Variants in RANBP2 observed in about 807,000 individuals in gnomAD.
RANBP2 encodes the protein RAN binding protein 2, also known as E3 SUMO-protein ligase RanBP2.
RANBP2 carries 57 observed loss-of-function variants against 303.6 expected under a neutral mutation model. That is an observed-to-expected ratio of 0.19 (90% confidence interval 0.15 to 0.23). RANBP2 has a LOEUF of 0.23. Among genes scored for constraint, RANBP2 ranks in the 10% least tolerant of loss-of-function variants. The pLI, the probability that RANBP2 is intolerant of heterozygous loss-of-function variation, is 1.00. For missense variants in RANBP2, 3,138 were observed against 3,780.8 expected (o/e 0.83, Z 4.46); for synonymous variants, 1,167 against 1,301.5 (o/e 0.90, Z 2.23).
At chr2:109,124,700 T>C in the RANBP2 span, 1 of 152,234 alleles carries the variant, frequency 6.6e-6, no homozygotes, top group African/African-American at 2.4e-5. Context: ...TGGCATTAAG[T>C]GGATTTGCTT....
the RANBP2 span, among the ~76,000 whole-genome samples, chr2:108,962,775 C>T: frequency 6.6e-6 from 1 of 151,756 alleles, no homozygotes; most frequent in African/African-American, 2.4e-5. Context: ...ATCGCACACA[C>T]ACCCTTTTCA....
chr2:108,782,002 T>TA (rs1678288001), intron 26 of RANBP2, 126 bp from the exon 27 acceptor site: 2 of 1,059,174 alleles, frequency 1.9e-6, no homozygotes, highest in Non-Finnish European at 2.7e-6. Flanking sequence ...ATATAACCAG[T>TA]TATCACATTA....
the RANBP2 span, chr2:109,567,749 A>G: frequency 7.0e-7 from 1 of 1,436,564 alleles, no homozygotes; most frequent in Non-Finnish European, 9.3e-7. Context: ...TAGCAGCAAT[A>G]TTACTCACAA....
chr2:108,782,837 G>T lies in RANBP2; in HGVS notation c.9344G>T (p.Arg3115Ile), dbSNP rs1240073123. ...GFGFKNSIFHRVIPDFVCQGG... is the reference protein window; with the variant it reads ...GFGFKNSIFHIVIPDFVCQGG... ...GGTTTCAAGAATTCCATTTTTCACA[G>T]AGTAATTCCAGATTTTGTTTGCCAA... The change falls in exon 28 of 29, where the codon AGA becomes ATA. Residue 3115 changes from arginine (R) to isoleucine (I), a missense_variant. Physicochemically the swap from Arg to Ile is moderately conservative, Grantham distance 97. Transcript: ENST00000283195. The T allele has an allele frequency of 3.1e-6, 5 of 1,613,836 alleles. No individual in the cohort carries two copies. The highest frequency in any genetic ancestry group is 4.2e-6 in the Non-Finnish European group (5 of 1,180,002).
the RANBP2 span, among the ~76,000 whole-genome samples, chr2:108,948,991 T>C: frequency 2.0e-5 from 3 of 152,034 alleles, no homozygotes; most frequent in African/African-American, 7.2e-5. Flanking sequence ...CACATACATG[T>C]TTTTAGGCAG....
chr2:109,200,176 T>G, the RANBP2 span, among the ~76,000 whole-genome samples: 1 of 152,096 alleles, frequency 6.6e-6, no homozygotes, highest in African/African-American at 2.4e-5. Context: ...TATTTCTAGT[T>G]TACAAGAGAA....
chr2:109,556,647 T>C, the RANBP2 span, among the ~76,000 whole-genome samples: 1 of 152,168 alleles, frequency 6.6e-6, no homozygotes, highest in Non-Finnish European at 1.5e-5. Flanking sequence ...CCTTTTTTTT[T>C]CTGTTGTGAT....
the RANBP2 span, among the ~76,000 whole-genome samples, chr2:109,463,026 G>C: frequency 6.6e-6 from 1 of 152,190 alleles, no homozygotes; most frequent in Admixed American, 6.5e-5. Flanking sequence ...AACAGTGTAA[G>C]ATTTTGGTAT....
chr2:108,763,646 A>C lies in RANBP2; in HGVS notation c.3107A>C (p.Asn1036Thr). Residue 1036 changes from asparagine to threonine, a missense_variant, in exon 20 of 29, where the codon AAT becomes ACT. Asn to Thr is a moderately conservative substitution (Grantham distance 65, BLOSUM62 0). Around this residue, in one of 20 missense-constraint regions of RANBP2, gnomAD observed 403 missense variants for 376.7 expected, o/e 1.07. Transcript: ENST00000283195. The stretch of plus-strand genomic sequence containing the variant: ...CCAACTCCTTTTAAATTTAACTCAA[A>C]TTTCAAATCAAATGATGGTGACTTC... Reference protein sequence around the residue: ...TQPTPFKFNSNFKSNDGDFTF... With the variant: ...TQPTPFKFNSTFKSNDGDFTF... The C allele has an allele frequency of 1.2e-6, 2 of 1,614,106 alleles. No homozygotes were observed. The highest frequency in any genetic ancestry group is 1.7e-6 in the Non-Finnish European group (2 of 1,180,014).
chr2:109,156,490 G>A, the RANBP2 span, among the ~76,000 whole-genome samples: 1 of 151,840 alleles, frequency 6.6e-6, no homozygotes, highest in African/African-American at 2.4e-5. Flanking sequence ...TTGTTGTCCA[G>A]GCTGGAGTGC....
chr2:108,726,430 GTTTTTTTGTTTT>G (rs1316740433), intron 1 of RANBP2, among the ~76,000 whole-genome samples: 1 of 142,772 alleles, frequency 7.0e-6, no homozygotes, highest in Non-Finnish European at 1.5e-5. Context: ...GAAGAGGTGA[GTTTTTTTGTTTT>G]TTTTTTTTTT....
chr2:109,703,884 G>A, the RANBP2 span, among the ~76,000 whole-genome samples: 2 of 152,306 alleles, frequency 1.3e-5, no homozygotes, highest in East Asian at 1.9e-4. Context: ...TCAATTACCT[G>A]TTGATGAGGT....
At chr2:109,304,109 A>G in the RANBP2 span, among the ~76,000 whole-genome samples, 5 of 151,820 alleles carry the variant, frequency 3.3e-5, no homozygotes, top group Non-Finnish European at 7.4e-5. Context: ...CTCAAAAAAA[A>G]AAAAGAAAGA....
At chr2:109,293,095 C>G in the RANBP2 span, among the ~76,000 whole-genome samples, 4 of 152,186 alleles carry the variant, frequency 2.6e-5, 1 homozygote, top group Non-Finnish European at 4.4e-5. Flanking sequence ...GCAGGAAGGA[C>G]TGTCTCGCCA....
the RANBP2 span, among the ~76,000 whole-genome samples, chr2:109,699,163 T>C: frequency 6.6e-6 from 1 of 152,232 alleles, no homozygotes; most frequent in Non-Finnish European, 1.5e-5. Context: ...TGGCGATTCT[T>C]TCTCATGCCT....
At chr2:109,501,674 A>G in the RANBP2 span, 2 of 758,504 alleles carry the variant, frequency 2.6e-6, no homozygotes, top group Admixed American at 3.6e-5. Context: ...GCTTCTGAGA[A>G]CTGGTGCTCC....
chr2:109,209,759 T>G, the RANBP2 span, among the ~76,000 whole-genome samples: 1 of 152,224 alleles, frequency 6.6e-6, no homozygotes, highest in Admixed American at 6.5e-5. Context: ...GAGTAAATGG[T>G]TTGTTCACCT....
chr2:109,238,497 G>C, the RANBP2 span, among the ~76,000 whole-genome samples: 1 of 146,180 alleles, frequency 6.8e-6, no homozygotes, highest in Admixed American at 6.8e-5. Flanking sequence ...GTGTGTGTGT[G>C]TGAGAGTGAG....
At chr2:108,768,897 G>A (rs577873919) in intron 20 of RANBP2, among the ~76,000 whole-genome samples, 191 of 152,192 alleles carry the variant, frequency 1.3e-3, no homozygotes, top group African/African-American at 4.4e-3. Context: ...GCCGGGCGTC[G>A]TGGTGCGTGC....
Sources: allele counts gnomAD v4.1 joint callset (sites outside exome capture counted in the v4.1 genomes callset), GRCh38; gene constraint gnomAD v4.1.1; regional missense constraint gnomAD v4.1.1; transcripts MANE v1.5; gene names NCBI Gene and HGNC (gene_info 2026-07-23, HGNC 2026-07-21).